The following FOXN3 variants were observed in gnomAD, a reference collection of about 807,000 sequenced individuals.
FOXN3 encodes forkhead box protein N3.
Under a neutral mutation model 38.4 loss-of-function variants are expected in FOXN3, and 7 were observed. The ratio of observed to expected loss-of-function variants is 0.18; its 90% CI spans 0.10 to 0.34. FOXN3 has a LOEUF of 0.34. Among genes scored for constraint, FOXN3 ranks in the 10% least tolerant of loss-of-function variants. The probability of loss-of-function intolerance (pLI) is 1.00; values close to 1 mark genes in which losing one functional copy is unlikely to be tolerated. For synonymous variants in FOXN3, 230 were observed against 242.2 expected, an observed-to-expected ratio of 0.95 and a Z score of 0.47; for missense variants, 456 against 613.4, an observed-to-expected ratio of 0.74 and a Z score of 2.71.
rs1891580784 is a variant in FOXN3 at position 89,412,963 on chromosome 14, GAA to G, written c.-14-475_-14-474del. Among the ~76,000 whole-genome samples, 1 of 152,158 alleles carries G rather than the reference GAA, an allele frequency of 6.6e-6. No homozygotes were observed. The highest frequency in any genetic ancestry group is 2.1e-4 in the South Asian group (1 of 4,832). On this transcript the variant is annotated intron_variant, in intron 1 of 5. Coordinates refer to ENST00000557258, the MANE Select transcript of FOXN3 (RefSeq NM_005197.4). This position sits in a 1 kb window ranked among gnomAD's most constrained non-coding sequence, Gnocchi z 4.7. ...GCCATTAACTGAAATTAGAGCTGGT[GAA>G]AAAAGTCAGGAGAGCAACTGCCAGT...
At chr14:89,390,018 G>A (rs148878745) in intron 2 of FOXN3, among the ~76,000 whole-genome samples, 3 of 151,872 alleles carry the variant, frequency 2.0e-5, no homozygotes, top group African/African-American at 7.3e-5. Flanking sequence ...TCAGGAGTTC[G>A]AGACCAGCCT....
At chr14:89,454,714 C>T (rs1596280488) in intron 1 of FOXN3, among the ~76,000 whole-genome samples, 1 of 152,196 alleles carries the variant, frequency 6.6e-6, no homozygotes, top group Non-Finnish European at 1.5e-5. Flanking sequence ...GATAGAAGTG[C>T]TTATCATAGC....
At chr14:89,510,503 G>T (rs576515625) in intron 1 of FOXN3, among the ~76,000 whole-genome samples, 1 of 152,132 alleles carries the variant, frequency 6.6e-6, no homozygotes, top group Non-Finnish European at 1.5e-5. Context: ...ACCTGACTGT[G>T]CATCTCCCCA....
At chr14:89,385,576 G>A (rs1004190447) in intron 2 of FOXN3, among the ~76,000 whole-genome samples, 10 of 151,726 alleles carry the variant, frequency 6.6e-5, no homozygotes, top group South Asian at 4.2e-4. Flanking sequence ...GGGAGGCAGA[G>A]GCAGATGGAT....
chr14:89,311,415 T>C (rs1887542281), intron 3 of FOXN3, among the ~76,000 whole-genome samples: 1 of 131,880 alleles, frequency 7.6e-6, no homozygotes, highest in South Asian at 2.3e-4. Context: ...GAGGTTGCAG[T>C]GAGCCAAGAT....
intron 1 of FOXN3, among the ~76,000 whole-genome samples, chr14:89,434,158 G>T (rs1892224604): frequency 6.7e-6 from 1 of 149,614 alleles, no homozygotes; most frequent in Non-Finnish European, 1.5e-5. Context: ...CCTGACCTCA[G>T]ATGATAGCCC....
At chr14:89,509,026 C>A (rs1254935066) in intron 1 of FOXN3, among the ~76,000 whole-genome samples, 1 of 152,156 alleles carries the variant, frequency 6.6e-6, no homozygotes, top group Non-Finnish European at 1.5e-5. Context: ...TATCTACCCC[C>A]AGCCTCCGCT....
At chr14:89,241,933 C>T (rs972458973) in intron 4 of FOXN3, among the ~76,000 whole-genome samples, 2 of 152,188 alleles carry the variant, frequency 1.3e-5, no homozygotes, top group Admixed American at 1.3e-4. Flanking sequence ...CTGGCTACCA[C>T]GTTTTTTCTC....
At chr14:89,243,554 T>C (rs555623806) in intron 4 of FOXN3, among the ~76,000 whole-genome samples, 2 of 152,220 alleles carry the variant, frequency 1.3e-5, no homozygotes, top group Non-Finnish European at 2.9e-5. Context: ...TTATGAAGAA[T>C]GTATCCTTGA....
chr14:89,563,242 G>A (rs989268504), intron 1 of FOXN3, among the ~76,000 whole-genome samples: 1 of 152,150 alleles, frequency 6.6e-6, no homozygotes, highest in African/African-American at 2.4e-5. Flanking sequence ...ACCAAGTACT[G>A]TCCCATTTTA....
chr14:89,380,021 C>A (rs1437014009), intron 2 of FOXN3, among the ~76,000 whole-genome samples: 1 of 152,162 alleles, frequency 6.6e-6, no homozygotes, highest in Non-Finnish European at 1.5e-5. Flanking sequence ...TCACTACTTG[C>A]AGATGACTAA....
At chr14:89,391,143 A>AG (rs35338566) in intron 2 of FOXN3, among the ~76,000 whole-genome samples, 5 of 152,212 alleles carry the variant, frequency 3.3e-5, no homozygotes, top group Non-Finnish European at 7.3e-5. Context: ...CTTGAACCCA[A>AG]GGAACAGTCC....
chr14:89,352,739 C>T (rs1003042623), intron 2 of FOXN3, among the ~76,000 whole-genome samples: 2 of 152,172 alleles, frequency 1.3e-5, no homozygotes, highest in South Asian at 2.1e-4. Flanking sequence ...TTAATCTTAA[C>T]GCTACAAAAA....
At chr14:89,293,176 G>A (rs948167641) in intron 3 of FOXN3, among the ~76,000 whole-genome samples, 2 of 152,170 alleles carry the variant, frequency 1.3e-5, no homozygotes, top group African/African-American at 4.8e-5. Flanking sequence ...TATCTCCAGC[G>A]GGCTCTGCAC....
At chr14:89,321,382 C>T (rs1359611846) in intron 3 of FOXN3, among the ~76,000 whole-genome samples, 2 of 152,056 alleles carry the variant, frequency 1.3e-5, no homozygotes, top group African/African-American at 4.8e-5. Context: ...TGGAGACCAT[C>T]CTGGCTAAAA....
intron 1 of FOXN3, among the ~76,000 whole-genome samples, chr14:89,501,386 G>A (rs1237660495): frequency 6.6e-6 from 1 of 152,160 alleles, no homozygotes; most frequent in Non-Finnish European, 1.5e-5. Context: ...GGTCGGGAGT[G>A]GACGAGCTGG....
chr14:89,491,082 C>T (rs541073637), intron 1 of FOXN3, among the ~76,000 whole-genome samples: 3 of 152,246 alleles, frequency 2.0e-5, no homozygotes, highest in East Asian at 1.9e-4. Context: ...TCAAGCGATT[C>T]TCCTGCCTCA....
intron 2 of FOXN3, among the ~76,000 whole-genome samples, chr14:89,372,875 A>G (rs1246594519): frequency 1.3e-5 from 2 of 152,344 alleles, no homozygotes; most frequent in Non-Finnish European, 2.9e-5. Context: ...ATGGCTTTCA[A>G]CAAGTTAAAT....
At chr14:89,216,351 C>T (rs1019357014) in intron 4 of FOXN3, among the ~76,000 whole-genome samples, 1 of 152,150 alleles carries the variant, frequency 6.6e-6, no homozygotes, top group African/African-American at 2.4e-5. Flanking sequence ...AGCTGTAAGG[C>T]ATAGGTCAAA....
Sources: allele counts gnomAD v4.1 joint callset (sites outside exome capture counted in the v4.1 genomes callset), GRCh38; gene constraint gnomAD v4.1.1; non-coding constraint Gnocchi (gnomAD v3.1); transcripts MANE v1.5; gene names NCBI Gene and HGNC (gene_info 2026-07-23, HGNC 2026-07-21).